DPCD: variants seen among roughly 807,000 people sequenced by gnomAD.
The protein encoded by DPCD is protein DPCD.
A neutral mutation model predicts 26.4 loss-of-function variants in DPCD; 20 were observed. The observed-to-expected ratio is 0.76, with a 90% CI of 0.53 to 1.10. DPCD has a LOEUF of 1.10. Among genes scored for constraint, DPCD ranks in the 50% least tolerant of loss-of-function variants. The pLI, the probability that DPCD is intolerant of heterozygous loss-of-function variation, is 0.00. For synonymous variants in DPCD, 97 were observed against 94.2 expected, an observed-to-expected ratio of 1.03 and a Z score of -0.17; for missense variants, 202 against 253.9, an observed-to-expected ratio of 0.80 and a Z score of 1.39.
chr10:101,598,769 C>T (rs567721814), intron 2 of DPCD, among the ~76,000 whole-genome samples: 1 of 151,994 alleles, frequency 6.6e-6, no homozygotes, highest in Non-Finnish European at 1.5e-5. Context: ...GGACTACAGG[C>T]GTGTGCCACC....
intron 3 of DPCD, among the ~76,000 whole-genome samples, 163 bp from the exon 4 acceptor site, chr10:101,601,040 C>T (rs1028731316): frequency 3.3e-5 from 5 of 152,096 alleles, no homozygotes; most frequent in African/African-American, 1.2e-4. Flanking sequence ...TTGATCGTCC[C>T]AGGGCGGGGG....
Position 101,608,937 on chromosome 10 carries a change from TG to T in DPCD, c.507+1del. 6.2e-7 allele frequency: 1 copy of T among 1,610,880 alleles called. No homozygotes were observed. The highest frequency in any genetic ancestry group is 8.5e-7 in the Non-Finnish European group (1 of 1,177,508). On this transcript the variant is annotated splice_donor_variant, in intron 5 of 5. Transcript: ENST00000370151. LOFTEE classifies it high-confidence loss of function. Reference sequence around the variant, plus strand: ...ACGCCAACTGCACCCTGATCATCTCTGTAAGATTCACCCAGACTTCTTGGAC... The same window carrying T: ...ACGCCAACTGCACCCTGATCATCTCTTAAGATTCACCCAGACTTCTTGGAC...
chr10:101,594,635 G>C (rs1306145564), intron 1 of DPCD, 23 bp from the exon 2 acceptor site: 1 of 1,612,266 alleles, frequency 6.2e-7, no homozygotes, highest in South Asian at 1.1e-5. Flanking sequence ...TTTGAGGTAA[G>C]GCATTCTCTG....
Position 101,600,186 on chromosome 10 carries a change from G to A in DPCD, c.146-552G>A, listed in dbSNP as rs1253967672. Among the ~76,000 whole-genome samples, 6 of 151,864 alleles carry A rather than the reference G, an allele frequency of 4.0e-5. No individual in the cohort carries two copies. The highest frequency in any genetic ancestry group is 1.5e-4 in the African/African-American group (6 of 41,334). On this transcript the variant is annotated intron_variant, in intron 2 of 5. Coordinates refer to ENST00000370151, the MANE Select transcript of DPCD (RefSeq NM_015448.3). The surrounding 1 kb of genome is among the most constrained non-coding windows in gnomAD (Gnocchi z 4.7). Reference sequence around the variant, plus strand: ...TTTTGTTTAAATGCAGCTTTGGAGCGTTTTTTTGTTTTTGCTTTTTTCTTT... The same window carrying A: ...TTTTGTTTAAATGCAGCTTTGGAGCATTTTTTTGTTTTTGCTTTTTTCTTT...
chr10:101,590,081 AG>A (rs2063588440), intron 1 of DPCD, among the ~76,000 whole-genome samples: 1 of 150,130 alleles, frequency 6.7e-6, no homozygotes, highest in Non-Finnish European at 1.5e-5. Flanking sequence ...AAAAAAAAAA[AG>A]AATTAATAGG....
At chr10:101,589,896 A>G (rs1379920487) in intron 1 of DPCD, among the ~76,000 whole-genome samples, 3 of 152,022 alleles carry the variant, frequency 2.0e-5, no homozygotes, top group Non-Finnish European at 4.4e-5. Flanking sequence ...TCAGACAAAA[A>G]AATAAATAAG....
At chr10:101,593,238 TTTCTAA>T (rs1366370338) in intron 1 of DPCD, among the ~76,000 whole-genome samples, 14 of 152,132 alleles carry the variant, frequency 9.2e-5, no homozygotes, top group African/African-American at 3.4e-4. Flanking sequence ...AGGAGAGCCC[TTTCTAA>T]TGCCTGTGAG....
chr10:101,595,367 TGCACATCA>T, intron 2 of DPCD, among the ~76,000 whole-genome samples: 1 of 152,174 alleles, frequency 6.6e-6, no homozygotes, highest in Non-Finnish European at 1.5e-5. Context: ...TTCCCAGGTG[TGCACATCA>T]GCATTAACCA....
intron 3 of DPCD, 131 bp from the exon 4 acceptor site, chr10:101,601,072 G>A: frequency 6.7e-7 from 1 of 1,482,896 alleles, no homozygotes; most frequent in South Asian, 1.3e-5. Flanking sequence ...GAGTGCTGTA[G>A]CAATAGCAGC....
chr10:101,608,730 G>A (rs2063749449), intron 4 of DPCD, 105 bp from the exon 5 acceptor site: 5 of 729,698 alleles, frequency 6.9e-6, no homozygotes, highest in Non-Finnish European at 1.2e-5. Flanking sequence ...CTGCGTGTGT[G>A]GAAGGTGTGG....
intron 2 of DPCD, among the ~76,000 whole-genome samples, chr10:101,595,808 C>T (rs75735103): frequency 4.6e-5 from 7 of 152,250 alleles, no homozygotes; most frequent in Admixed American, 1.3e-4. Flanking sequence ...GACACTGATT[C>T]GGTGGAAACC....
intron 2 of DPCD, among the ~76,000 whole-genome samples, chr10:101,596,342 ACCTCATTTACTCGTCCTCGTTAAAGC>A (rs1406885762): frequency 6.6e-6 from 1 of 152,148 alleles, no homozygotes; most frequent in African/African-American, 2.4e-5. Flanking sequence ...TACGTGAATT[ACCTCATTTACTCGTCCTCGTTAAAGC>A]CCTATGAGGT....
intron 4 of DPCD, among the ~76,000 whole-genome samples, chr10:101,606,532 G>T (rs759380166): frequency 6.6e-6 from 1 of 152,132 alleles, no homozygotes; most frequent in Non-Finnish European, 1.5e-5. Flanking sequence ...GCCCAGGCTG[G>T]TCTTGAACTC....
intron 4 of DPCD, among the ~76,000 whole-genome samples, chr10:101,606,162 G>A (rs1236705146): frequency 6.6e-6 from 1 of 152,172 alleles, no homozygotes; most frequent in African/African-American, 2.4e-5. Flanking sequence ...GCAGGGATAT[G>A]GCCTTGTTCC....
At chr10:101,598,350 TAAAA>T (rs963579755) in intron 2 of DPCD, among the ~76,000 whole-genome samples, 1 of 150,948 alleles carries the variant, frequency 6.6e-6, no homozygotes, top group East Asian at 1.9e-4. Context: ...TTGAGCTACT[TAAAA>T]AAAAACAGAA....
At chr10:101,590,008 A>G (rs762153622) in intron 1 of DPCD, among the ~76,000 whole-genome samples, 22 of 150,720 alleles carry the variant, frequency 1.5e-4, no homozygotes, top group Non-Finnish European at 2.8e-4. Flanking sequence ...AGCCGAGATC[A>G]TGCCAGTGCA....
rs536608757 is a variant in DPCD at position 101,595,962 on chromosome 10, C to T, written c.145+1224C>T. ...CACCATAACCAGGCCAGAGAATAGC[C>T]GCAGCTCCTCACTCCCAGCCCCCCG... On this transcript the variant is annotated intron_variant, in intron 2 of 5. Coordinates refer to ENST00000370151, the MANE Select transcript of DPCD (RefSeq NM_015448.3). Among the ~76,000 whole-genome samples, 11 of 152,254 alleles carry T rather than the reference C, an allele frequency of 7.2e-5. No homozygotes were observed. In the South Asian group the frequency reaches 2.3e-3, roughly 32 times the overall value.
chr10:101,609,652 T>G lies in DPCD; in HGVS notation c.*181T>G. The stretch of plus-strand genomic sequence containing the variant: ...TTTCCTGAGTAAAGTCATTCTGAGT[T>G]ACTTACTGCACAGGGACTGCCCTCT... On this transcript the variant is annotated 3_prime_UTR_variant, in exon 6 of 6. Coordinates refer to ENST00000370151, the MANE Select transcript of DPCD (RefSeq NM_015448.3). The G allele has an allele frequency of 1.7e-6, 1 of 599,932 alleles. No individual in the cohort carries two copies. The highest frequency in any genetic ancestry group is 2.9e-6 in the Non-Finnish European group (1 of 340,512). The allele number at this position is 599,932 out of a possible 1,614,324, so 37.2% of individuals were successfully genotyped here.
At chr10:101,588,619 C>G in intron 1 of DPCD, 2 of 1,378,834 alleles carry the variant, frequency 1.5e-6, no homozygotes, top group Non-Finnish European at 1.9e-6. Flanking sequence ...CCATCTCGCT[C>G]CGCTCTGATT....
Sources: allele counts gnomAD v4.1 joint callset (sites outside exome capture counted in the v4.1 genomes callset), GRCh38; gene constraint gnomAD v4.1.1; non-coding constraint Gnocchi (gnomAD v3.1); transcripts MANE v1.5; gene names NCBI Gene and HGNC (gene_info 2026-07-23, HGNC 2026-07-21).